Variants in SCAMP4 observed in about 807,000 individuals in gnomAD.
The protein encoded by SCAMP4 is secretory carrier-associated membrane protein 4.
Under a neutral mutation model 32.1 loss-of-function variants are expected in SCAMP4, and 19 were observed. The ratio of observed to expected loss-of-function variants is 0.59; its 90% CI spans 0.41 to 0.87. The LOEUF (loss-of-function observed/expected upper bound fraction) is 0.87, where lower values mean the gene tolerates loss of function less well. Among genes scored for constraint, SCAMP4 ranks in the 40% least tolerant of loss-of-function variants. SCAMP4 has a pLI of 0.00. For missense variants in SCAMP4, 302 were observed against 309.0 expected (o/e 0.98, Z 0.17); for synonymous variants, 152 against 132.7 (o/e 1.15, Z -1.00).
In SCAMP4 at chr19:1,909,166, C is replaced by T. The variant is rs144163501; in HGVS notation, c.-42+3727C>T. 4.2e-3 allele frequency among the ~76,000 whole-genome samples: 626 copies of T among 149,482 alleles called. 3 individuals carry two copies. Among genetic ancestry groups the T allele is most frequent in the African/African-American group, 0.014 (572 of 40,484 alleles). ...CGCCTGTAATCCAACCTCAGGCCTGCGGTGCGAGTCTGTGGGGGCAGATGC... is the reference window on the plus strand; with the variant it reads ...CGCCTGTAATCCAACCTCAGGCCTGTGGTGCGAGTCTGTGGGGGCAGATGC... On this transcript the variant is annotated intron_variant, in intron 1 of 6. Transcript: ENST00000316097.
chr19:1,924,202 C>G lies in SCAMP4; in HGVS notation c.608C>G (p.Ala203Gly). 1.2e-6 allele frequency: 2 copies of G among 1,609,512 alleles called. No individual in the cohort carries two copies. ...GTWRNPPSRE[A>G]QYNNFSGNSL... The stretch of plus-strand genomic sequence containing the variant: ...TGGCGGAACCCACCGTCGAGGGAGG[C>G]CCAGTACAACAACTTCTCAGGCAAC... Residue 203 changes from alanine (A) to glycine (G), a missense_variant, in exon 7 of 7, where the codon GCC (alanine) becomes GGC (glycine). Transcript: ENST00000316097.
At chr19:1,922,054 C>T (rs2013937115) in intron 5 of SCAMP4, 1 of 985,466 alleles carries the variant, frequency 1.0e-6, no homozygotes, top group African/African-American at 1.7e-5. Flanking sequence ...AGGAGAGAGA[C>T]TGTACGTCGT....
intron 6 of SCAMP4, among the ~76,000 whole-genome samples, chr19:1,923,704 C>T (rs1271123144): frequency 4.7e-5 from 7 of 147,998 alleles, no homozygotes; most frequent in East Asian, 4.0e-4. Flanking sequence ...CTGCAAGCTC[C>T]GCCTCTGGGG....
At chr19:1,912,153 G>C (rs745631241) in intron 1 of SCAMP4, 1 of 1,568,280 alleles carries the variant, frequency 6.4e-7, no homozygotes, top group East Asian at 2.3e-5. Context: ...CGGGAGCCCG[G>C]AGCCTGAGCC....
chr19:1,918,130 A>G lies in SCAMP4; in HGVS notation c.140A>G (p.Tyr47Cys). The G allele has an allele frequency of 6.2e-7, 1 of 1,609,996 alleles. No individual in the cohort carries two copies. The highest frequency in any genetic ancestry group is 8.5e-7 in the Non-Finnish European group (1 of 1,177,988). Residue 47 changes from tyrosine (Y) to cysteine (C), a missense_variant, in exon 4 of 7, where the codon TAC becomes TGC. Transcript: ENST00000316097. ...CGTCCTCCCTCTCTCTTCGCAGTTTACTGCGCCACCCTCGGCGTCAACCTC... is the reference window on the plus strand; with the variant it reads ...CGTCCTCCCTCTCTCTTCGCAGTTTGCTGCGCCACCCTCGGCGTCAACCTC... ...VKRIYRLWMF[Y>C]CATLGVNLIA... is the part of the protein sequence containing the mutation.
chr19:1,923,377 C>T (rs2013981469), intron 6 of SCAMP4, among the ~76,000 whole-genome samples, 190 bp downstream of exon 6: 1 of 152,144 alleles, frequency 6.6e-6, no homozygotes, highest in Non-Finnish European at 1.5e-5. Context: ...CTCCCAGGGA[C>T]CCAGCGCCTG....
At chr19:1,921,514 A>G (rs1228213983) in intron 5 of SCAMP4, 38 of 985,314 alleles carry the variant, frequency 3.9e-5, no homozygotes, top group Non-Finnish European at 4.3e-5. Context: ...TAAGCGGAGC[A>G]TGCAGCCCAC....
At chr19:1,921,379 C>T (rs377672227) in intron 5 of SCAMP4, 83 of 985,436 alleles carry the variant, frequency 8.4e-5, no homozygotes, top group Non-Finnish European at 9.2e-5. Flanking sequence ...TGACCCCCAG[C>T]GGGGCCTAGC....
chr19:1,919,483 TTTTTTCTTTTC>T (rs1411448228), intron 5 of SCAMP4: 1 of 980,038 alleles, frequency 1.0e-6, no homozygotes, highest in Non-Finnish European at 1.2e-6. Context: ...AATTTCTGCC[TTTTTTCTTTTC>T]TTTTTTTTTT....
chr19:1,912,758 C>G, intron 1 of SCAMP4: 1 of 1,554,420 alleles, frequency 6.4e-7, no homozygotes, highest in Non-Finnish European at 8.6e-7. Context: ...ACAACCCCCT[C>G]CTGCACGCCG....
In SCAMP4 at chr19:1,914,909, G is replaced by C. The variant is rs572530408; in HGVS notation, c.-41-70G>C. On this transcript the variant is annotated intron_variant, in intron 1 of 6. Coordinates refer to ENST00000316097, the MANE Select transcript of SCAMP4 (RefSeq NM_079834.4). ...GCACGATGAAGGGCTTTTCAGCCAC[G>C]GTGGGTGGGTGGTTAGCGCTCTGCC... is the stretch of plus-strand genomic sequence containing the variant. The C allele has an allele frequency of 3.1e-6, 4 of 1,309,510 alleles. No homozygotes were observed. In the Admixed American group the frequency reaches 6.8e-5, roughly 22 times the overall value. 81.1% of individuals were successfully genotyped at this position (1,309,510 alleles called of 1,614,324 possible).
At chr19:1,910,724 G>A (rs1254178395) in intron 1 of SCAMP4, among the ~76,000 whole-genome samples, 1 of 150,304 alleles carries the variant, frequency 6.7e-6, no homozygotes, top group Non-Finnish European at 1.5e-5. Context: ...TTACAGGTGC[G>A]TGGCACCATG....
chr19:1,913,348 C>T (rs1205573176), intron 1 of SCAMP4: 1 of 794,334 alleles, frequency 1.3e-6, no homozygotes, highest in Non-Finnish European at 2.0e-6. Context: ...CACCCCGTGC[C>T]AGCGGTGCCC....
chr19:1,921,071 A>C (rs1168348116), intron 5 of SCAMP4: 4 of 985,250 alleles, frequency 4.1e-6, no homozygotes, highest in Non-Finnish European at 4.8e-6. Flanking sequence ...CCTTGTAATG[A>C]GAGAAATCAA....
intron 1 of SCAMP4, 70 bp downstream of exon 1, chr19:1,905,509 C>T (rs947372916): frequency 2.0e-5 from 8 of 391,022 alleles, no homozygotes; most frequent in Non-Finnish European, 3.3e-5. Flanking sequence ...TAGGGGCTGA[C>T]ATGGGGGGTC....
At position 1,912,405 on chromosome 19, in the gene SCAMP4, C is replaced by T. The variant is rs751225755; in HGVS notation, c.-41-2574C>T. On this transcript the variant is annotated intron_variant, in intron 1 of 6. Transcript: ENST00000316097. ...CCTGGCTGGGCCGGCCTCGGGCCCG[C>T]GCTCGCTGGCTGAGCTCCTGCCACG... 21 of 1,514,826 alleles carry T rather than the reference C, an allele frequency of 1.4e-5. 1 individual carries two copies. Among genetic ancestry groups the T allele is most frequent in the African/African-American group, 1.0e-4 (7 of 69,536 alleles). The allele number at this position is 1,514,826 out of a possible 1,614,324, so 93.8% of individuals were successfully genotyped here. A position where few individuals can be genotyped will look rare whatever the true frequency, so the allele number is the denominator to read the frequency against.
At chr19:1,917,950 C>T in intron 3 of SCAMP4, 128 bp downstream of exon 3, 2 of 1,395,686 alleles carry the variant, frequency 1.4e-6, no homozygotes, top group Non-Finnish European at 2.0e-6. Context: ...GCCTGGTGGT[C>T]CCTGCGGTGA....
chr19:1,908,438 A>T lies in SCAMP4; in HGVS notation c.-42+2999A>T. On this transcript the variant is annotated intron_variant, in intron 1 of 6. Coordinates refer to ENST00000316097, the MANE Select transcript of SCAMP4 (RefSeq NM_079834.4). The surrounding 1 kb of genome is among the most constrained non-coding windows in gnomAD (Gnocchi z 4.2). ...CAGGCAGTGCATGTCGAGGAGTAGC[A>T]CCCACAGCTGCGCGGCTGCGAAATG... 1 of 468,262 alleles carries T rather than the reference A, an allele frequency of 2.1e-6. No homozygotes were observed. Among genetic ancestry groups the T allele is most frequent in the South Asian group, 1.6e-5 (1 of 64,414 alleles). 29.0% of individuals were successfully genotyped at this position (468,262 alleles called of 1,614,324 possible).
intron 5 of SCAMP4, chr19:1,920,625 TG>T (rs1182324964): frequency 2.0e-6 from 2 of 985,380 alleles, no homozygotes; most frequent in Non-Finnish European, 2.4e-6. Flanking sequence ...TGCCAGCCTT[TG>T]GGGTGCTTCC....
Sources: allele counts gnomAD v4.1 joint callset (sites outside exome capture counted in the v4.1 genomes callset), GRCh38; gene constraint gnomAD v4.1.1; non-coding constraint Gnocchi (gnomAD v3.1); transcripts MANE v1.5; gene names NCBI Gene and HGNC (gene_info 2026-07-23, HGNC 2026-07-21).